Variants in AKNA observed in about 807,000 individuals in gnomAD.
AKNA encodes the protein microtubule organization protein AKNA.
A neutral mutation model predicts 138.8 loss-of-function variants in AKNA; 67 were observed. The ratio of observed to expected loss-of-function variants is 0.48; its 90% CI spans 0.40 to 0.59. The LOEUF (loss-of-function observed/expected upper bound fraction) is 0.59. Among genes scored for constraint, AKNA ranks in the 20% least tolerant of loss-of-function variants. The pLI, the probability that AKNA is intolerant of heterozygous loss-of-function variation, is 0.00. For missense variants in AKNA, 1,813 were observed against 1,880.4 expected (o/e 0.96, Z 0.66); for synonymous variants, 737 against 754.4 (o/e 0.98, Z 0.38).
At chr9:114,379,286 C>T (rs1051905286) in intron 2 of AKNA, among the ~76,000 whole-genome samples, 4 of 152,228 alleles carry the variant, frequency 2.6e-5, no homozygotes, top group Non-Finnish European at 5.9e-5. Context: ...ATAGTTCCTC[C>T]TACCTGACAG....
At chr9:114,391,157 C>G (rs546520458), upstream of AKNA, among the ~76,000 whole-genome samples, 66 of 152,330 alleles carry the variant, frequency 4.3e-4, no homozygotes, top group African/African-American at 1.5e-3. Context: ...AGAGCCCAAG[C>G]AGCTTGCCCA....
chr9:114,381,242 C>T lies in AKNA; in HGVS notation c.92G>A (p.Arg31Lys), dbSNP rs777538928. Residue 31 changes from arginine to lysine, a missense_variant, in exon 2 of 22, where the codon AGG becomes AAG. By Grantham distance (26) the Arg-to-Lys change is conservative (BLOSUM62 2). Transcript: ENST00000374088. ...TTGTGAACTACTTCTATCCACATCC[C>T]TCTTGTCCTCGGCCCAGGCCCAGCG... Reference protein sequence around the residue: ...RRRWAWAEDKRDVDRSSSQSW... With the variant: ...RRRWAWAEDKKDVDRSSSQSW... The T allele has an allele frequency of 1.9e-6, 3 of 1,614,044 alleles. No individual in the cohort carries two copies. The highest frequency in any genetic ancestry group is 2.5e-6 in the Non-Finnish European group (3 of 1,180,020).
In AKNA at chr9:114,339,517, A is replaced by T. The variant is rs1486850003; in HGVS notation, c.4067+2016T>A. Reference sequence around the variant, plus strand: ...CAGAGAAGGAAACTGAGGCATAGGTATAACCCGCCCATCCTGAGTTGGAAA... The same window carrying T: ...CAGAGAAGGAAACTGAGGCATAGGTTTAACCCGCCCATCCTGAGTTGGAAA... On this transcript the variant is annotated intron_variant, in intron 21 of 21. Coordinates refer to ENST00000374088, the MANE Select transcript of AKNA (RefSeq NM_001317950.2). Among the ~76,000 whole-genome samples the T allele has an allele frequency of 2.6e-5, 4 of 152,362 alleles. No homozygotes were observed. The East Asian group carries it at 7.7e-4, about 29-fold the overall frequency.
intron 14 of AKNA, among the ~76,000 whole-genome samples, chr9:114,351,968 C>G (rs991303324): frequency 3.9e-5 from 6 of 152,138 alleles, no homozygotes; most frequent in African/African-American, 1.4e-4. Flanking sequence ...AGTGAAAAGC[C>G]AATCCCAAAA....
At chr9:114,381,525 G>C in intron 1 of AKNA, 79 bp from the exon 2 acceptor site, 2 of 1,262,042 alleles carry the variant, frequency 1.6e-6, no homozygotes, top group Non-Finnish European at 2.0e-6. Flanking sequence ...TTACCAGCAG[G>C]AACTCTGGAA....
At chr9:114,338,889 C>T (rs768214995) in intron 21 of AKNA, among the ~76,000 whole-genome samples, 60 of 152,228 alleles carry the variant, frequency 3.9e-4, no homozygotes, top group Non-Finnish European at 5.7e-4. Context: ...CACCTGGGCC[C>T]GACTCTCCCC....
intron 18 of AKNA, 98 bp downstream of exon 18, chr9:114,345,765 G>T: frequency 8.8e-7 from 1 of 1,137,480 alleles, no homozygotes; most frequent in Non-Finnish European, 1.2e-6. Flanking sequence ...AATGATATTT[G>T]AATGGCCCAC....
chr9:114,380,244 T>C (rs564125526), intron 2 of AKNA, among the ~76,000 whole-genome samples: 52 of 152,244 alleles, frequency 3.4e-4, no homozygotes, highest in African/African-American at 1.2e-3. Flanking sequence ...TGTGCAAAGA[T>C]ATATTAATGA....
Position 114,347,880 on chromosome 9 carries a change from T to G in AKNA, c.3242A>C (p.Gln1081Pro). The G allele has an allele frequency of 6.4e-7, 1 of 1,551,990 alleles. No homozygotes were observed. Among genetic ancestry groups the G allele is most frequent in the Non-Finnish European group, 8.7e-7 (1 of 1,147,490 alleles). The change falls in exon 16 of 22, where the codon CAA (glutamine) becomes CCA (proline). Residue 1081 changes from glutamine to proline, a missense_variant. Physicochemically the swap from Gln to Pro is moderately conservative, Grantham distance 76. Coordinates refer to ENST00000374088, the MANE Select transcript of AKNA (RefSeq NM_001317950.2). ...CAGACGAAGCCGGGACACCTCTTCT[T>G]GCAGCTCACAGATGGCCTGGCTGGG... is the stretch of plus-strand genomic sequence containing the variant. ...AGRDQAICEL[Q>P]EEVSRLRLRL... is the part of the protein sequence containing the mutation.
chr9:114,355,886 A>G (rs1304988929), intron 14 of AKNA, 39 bp downstream of exon 14: 2 of 1,579,716 alleles, frequency 1.3e-6, no homozygotes, highest in Non-Finnish European at 1.7e-6. Context: ...TGATTTTTCA[A>G]CCCATGCAGT....
At position 114,350,878 on chromosome 9, in the gene AKNA, G is replaced by C; in HGVS notation, c.3202C>G (p.Leu1068Val). ...ACTTACTCTCGCCCTGCCCTGGTGA[G>C]CAGGAAGCTGGGGATGGTCTCTGTT... ...GPTETIPSFL[L>V]TRAGRDQAIC... The change falls in exon 15 of 22, where the codon CTC (leucine) becomes GTC (valine). Residue 1068 changes from leucine (L) to valine (V), a missense_variant. Physicochemically the swap from Leu to Val is conservative, Grantham distance 32. Coordinates refer to ENST00000374088, the MANE Select transcript of AKNA (RefSeq NM_001317950.2). 6.3e-7 allele frequency: 1 copy of C among 1,582,650 alleles called. No homozygotes were observed. Among genetic ancestry groups the C allele is most frequent in the Non-Finnish European group, 8.6e-7 (1 of 1,164,204 alleles).
chr9:114,358,239 G>A (rs530515334), intron 11 of AKNA, 72 bp from the exon 12 acceptor site: 2 of 1,595,048 alleles, frequency 1.3e-6, no homozygotes, highest in Non-Finnish European at 1.7e-6. Context: ...CCTGTCCTGG[G>A]AGCCAAGCAG....
downstream of AKNA, chr9:114,331,989 G>C (rs993740130): frequency 3.4e-6 from 5 of 1,466,316 alleles, no homozygotes; most frequent in African/African-American, 3.0e-5. Flanking sequence ...GGCAGCCCCA[G>C]AGGCCCAGAG....
chr9:114,354,990 T>A (rs981081736), intron 14 of AKNA, among the ~76,000 whole-genome samples: 3 of 149,406 alleles, frequency 2.0e-5, no homozygotes, highest in Non-Finnish European at 3.0e-5. Flanking sequence ...TTCTCATGCC[T>A]CAGCCTCCTG....
At chr9:114,390,362 CCCT>C (rs1212688523), upstream of AKNA, among the ~76,000 whole-genome samples, 2 of 152,088 alleles carry the variant, frequency 1.3e-5, no homozygotes, top group African/African-American at 4.8e-5. Flanking sequence ...CCAAACCCAC[CCCT>C]CCTTAGTTTG....
chr9:114,330,876 C>G (rs1829840732), downstream of AKNA: 5 of 1,611,892 alleles, frequency 3.1e-6, no homozygotes, highest in East Asian at 8.9e-5. Flanking sequence ...AGGGCCAGCC[C>G]TCAGGCAGGA....
chr9:114,357,775 T>C, intron 12 of AKNA, 146 bp downstream of exon 12: 5 of 1,316,268 alleles, frequency 3.8e-6, no homozygotes, highest in Non-Finnish European at 5.2e-6. Context: ...AAGTCCTGCA[T>C]GTCAGGTGGG....
In AKNA at chr9:114,349,301, G is replaced by A. The variant is rs139324916; in HGVS notation, c.3222-1401C>T. On this transcript the variant is annotated intron_variant, in intron 15 of 21. Transcript: ENST00000374088. The stretch of plus-strand genomic sequence containing the variant: ...AGGCACTTAACATTCATCTTTCTCT[G>A]CAAACTTACTTCCCTGTCTCTGCAC... Among the ~76,000 whole-genome samples the A allele has an allele frequency of 6.8e-3, 1,030 of 152,268 alleles. 7 individuals carry two copies. Among genetic ancestry groups the A allele is most frequent in the South Asian group, 0.016 (76 of 4,820 alleles).
At chr9:114,375,100 T>A (rs990262568) in intron 3 of AKNA, among the ~76,000 whole-genome samples, 2 of 151,888 alleles carry the variant, frequency 1.3e-5, no homozygotes, top group African/African-American at 4.8e-5. Context: ...TTGCCAAAAC[T>A]CCCCACGCCC....
Sources: gnomAD v4.1 joint callset for allele counts (sites outside exome capture counted in the v4.1 genomes callset) on GRCh38, gnomAD v4.1.1 for gene constraint, MANE v1.5 for transcripts, NCBI Gene and HGNC (gene_info 2026-07-23, HGNC 2026-07-21) for gene names.